Variants in PLCL2 observed in about 807,000 individuals in gnomAD.
The protein encoded by PLCL2 is phospholipase C like 2.
PLCL2 carries 4 observed loss-of-function variants against 79.6 expected under a neutral mutation model. That is an observed-to-expected ratio of 0.05 (90% CI 0.02 to 0.11). The LOEUF (loss-of-function observed/expected upper bound fraction) is 0.11. Ranked by LOEUF, PLCL2 falls within the 10% of genes least tolerant of loss-of-function variation. The pLI is 1.00. For synonymous variants in PLCL2, 484 were observed against 457.7 expected (o/e 1.06, Z -0.73); for missense variants, 895 against 1,291.0 (o/e 0.69, Z 4.70).
intron 1 of PLCL2, among the ~76,000 whole-genome samples, chr3:16,891,534 A>G (rs1696350239): frequency 6.6e-6 from 1 of 152,186 alleles, no homozygotes; most frequent in African/African-American, 2.4e-5. Flanking sequence ...GTGTCTTTCT[A>G]AATCTGATAC....
chr3:16,903,674 G>A (rs934998860), intron 1 of PLCL2, among the ~76,000 whole-genome samples: 14 of 152,188 alleles, frequency 9.2e-5, no homozygotes, highest in Admixed American at 6.5e-4. Context: ...GAGCCCCAAC[G>A]GTTCAGCAAA....
chr3:16,952,613 G>C (rs2063665102), intron 1 of PLCL2, among the ~76,000 whole-genome samples: 1 of 151,876 alleles, frequency 6.6e-6, no homozygotes, highest in East Asian at 1.9e-4. Flanking sequence ...ATTTAATAAA[G>C]CAGGATACAA....
chr3:17,089,692 A>G (rs2065254187), intron 5 of PLCL2, 41 bp from the exon 6 acceptor site: 1 of 1,152,496 alleles, frequency 8.7e-7, no homozygotes, highest in Non-Finnish European at 1.3e-6. Context: ...ACACTAAGTT[A>G]TGTCATATCT....
intron 1 of PLCL2, among the ~76,000 whole-genome samples, chr3:16,946,314 AAG>A (rs922519433): frequency 2.0e-5 from 3 of 152,006 alleles, no homozygotes; most frequent in Non-Finnish European, 4.4e-5. Context: ...AATTCCACAG[AAG>A]AGAGTTTCCA....
Position 16,900,930 on chromosome 3 carries a change from A to T in PLCL2, c.327+15564A>T, listed in dbSNP as rs187230366. ...CTCACTTCAAAAATGGAAACTCAGT[A>T]TCATCAAAAGATAATCTTGGAGTGG... On this transcript the variant is annotated intron_variant, in intron 1 of 5. Coordinates refer to ENST00000615277, the MANE Select transcript of PLCL2 (RefSeq NM_001144382.2). Among the ~76,000 whole-genome samples, 252 of 152,326 alleles carry T rather than the reference A, an allele frequency of 1.7e-3. 3 individuals carry two copies. The highest frequency in any genetic ancestry group is 5.8e-3 in the African/African-American group (243 of 41,576).
chr3:17,015,666 T>TC (rs112299880), intron 3 of PLCL2, among the ~76,000 whole-genome samples: 7,898 of 152,242 alleles, frequency 0.052, 704 homozygotes, highest in African/African-American at 0.18. Context: ...CAGTCTGTCT[T>TC]CAGTACTATT....
chr3:17,042,359 T>G (rs1411065031), intron 3 of PLCL2, among the ~76,000 whole-genome samples: 1 of 152,180 alleles, frequency 6.6e-6, no homozygotes, highest in Non-Finnish European at 1.5e-5. Context: ...AAAATACTAG[T>G]TTTAGAGGTA....
At chr3:17,054,268 C>T (rs186251714) in intron 4 of PLCL2, among the ~76,000 whole-genome samples, 21 of 152,254 alleles carry the variant, frequency 1.4e-4, no homozygotes, top group African/African-American at 4.8e-4. Flanking sequence ...ACTCCAGTTC[C>T]CAATAAGTTC....
At chr3:17,082,139 GT>G (rs58877063) in intron 5 of PLCL2, among the ~76,000 whole-genome samples, 79 of 101,338 alleles carry the variant, frequency 7.8e-4, no homozygotes, top group East Asian at 1.6e-3. Context: ...CTCTTTCAGA[GT>G]TTTTTTTTTT....
chr3:17,011,780 G>T lies in PLCL2; in HGVS notation c.2434G>T (p.Asp812Tyr). Residue 812 changes from aspartate to tyrosine, a missense_variant, in exon 2 of 6, where the codon GAT (aspartate) becomes TAT (tyrosine). By Grantham distance (160) the Asp-to-Tyr change is radical. This residue lies in a region of PLCL2 where 298 missense variants were observed against 459.6 expected (regional missense o/e 0.65). Coordinates refer to ENST00000615277, the MANE Select transcript of PLCL2 (RefSeq NM_001144382.2). The surrounding 1 kb of genome is among the most constrained non-coding windows in gnomAD (Gnocchi z 7.9). The stretch of plus-strand genomic sequence containing the variant: ...CCAGAATGGAGACGCTCCCATTTTT[G>T]ATGAAAGCTTTGAATTTCAAATCAA... ...VHQNGDAPIFDESFEFQINLP... is the reference protein window; with the variant it reads ...VHQNGDAPIFYESFEFQINLP... The T allele has an allele frequency of 6.2e-7, 1 of 1,614,188 alleles. No homozygotes were observed. The highest frequency in any genetic ancestry group is 8.5e-7 in the Non-Finnish European group (1 of 1,180,026).
chr3:16,961,513 G>GA (rs1486290146), intron 1 of PLCL2, among the ~76,000 whole-genome samples: 1 of 152,174 alleles, frequency 6.6e-6, no homozygotes, highest in Non-Finnish European at 1.5e-5. Context: ...CTGAGGGAAA[G>GA]TGCTAATGAG....
At chr3:17,085,453 G>A (rs1231858743) in intron 5 of PLCL2, among the ~76,000 whole-genome samples, 39 of 149,648 alleles carry the variant, frequency 2.6e-4, no homozygotes, top group Non-Finnish European at 4.1e-4. Context: ...TTTTTAAGGC[G>A]GAGTCTCACT....
At chr3:16,981,690 T>G (rs948283517) in intron 1 of PLCL2, among the ~76,000 whole-genome samples, 2 of 152,240 alleles carry the variant, frequency 1.3e-5, no homozygotes, top group African/African-American at 4.8e-5. Flanking sequence ...GTAGTTGTGG[T>G]CCACTTTATT....
chr3:16,937,106 A>G (rs1429828203), intron 1 of PLCL2, among the ~76,000 whole-genome samples: 1 of 152,110 alleles, frequency 6.6e-6, no homozygotes, highest in African/African-American at 2.4e-5. Context: ...AGCATTGCCA[A>G]ATGTCCCCTC....
Position 17,011,701 on chromosome 3 carries a change from T to C in PLCL2, c.2355T>C (p.Val785=). The part of the protein sequence containing the change: ...KGDVVDPYVY[V]EIHGIPADCA... The stretch of plus-strand genomic sequence containing the variant: ...ATGTGGTAGATCCTTATGTCTATGT[T>C]GAAATCCATGGAATCCCTGCTGATT... Residue 785 remains valine, a synonymous_variant, in exon 2 of 6, where the codon GTT becomes GTC. Transcript: ENST00000615277. This position sits in a 1 kb window ranked among gnomAD's most constrained non-coding sequence, Gnocchi z 7.9. 2 of 1,614,140 alleles carry C rather than the reference T, an allele frequency of 1.2e-6. No homozygotes were observed. Among genetic ancestry groups the C allele is most frequent in the Non-Finnish European group, 8.5e-7 (1 of 1,180,020 alleles).
chr3:17,047,230 T>C (rs1311565752), intron 4 of PLCL2, among the ~76,000 whole-genome samples: 1 of 152,324 alleles, frequency 6.6e-6, no homozygotes, highest in East Asian at 1.9e-4. Flanking sequence ...GAACTGAGGA[T>C]GTTCCCAAAG....
chr3:17,074,440 C>T (rs1454393593), intron 5 of PLCL2, among the ~76,000 whole-genome samples: 2 of 152,172 alleles, frequency 1.3e-5, no homozygotes, highest in African/African-American at 4.8e-5. Flanking sequence ...TAGCATAATA[C>T]TTAAGGGCCC....
intron 1 of PLCL2, among the ~76,000 whole-genome samples, chr3:16,996,920 T>G (rs1295257221): frequency 6.6e-6 from 1 of 152,218 alleles, no homozygotes; most frequent in Non-Finnish European, 1.5e-5. Context: ...AACTTTGTCT[T>G]CATACTATTT....
intron 1 of PLCL2, among the ~76,000 whole-genome samples, chr3:16,932,331 G>A (rs1472591338): frequency 6.6e-6 from 1 of 152,140 alleles, no homozygotes; most frequent in African/African-American, 2.4e-5. Context: ...AACATCCTTT[G>A]TTTGGGAATA....
Sources: gnomAD v4.1 joint callset for allele counts (sites outside exome capture counted in the v4.1 genomes callset) on GRCh38, gnomAD v4.1.1 for gene constraint, gnomAD v4.1.1 regional missense constraint, Gnocchi (gnomAD v3.1) non-coding constraint, MANE v1.5 for transcripts, NCBI Gene and HGNC (gene_info 2026-07-23, HGNC 2026-07-21) for gene names.